FETUB: variants seen among roughly 807,000 people sequenced by gnomAD.
FETUB encodes fetuin-B.
A neutral mutation model predicts 30.9 loss-of-function variants in FETUB; 28 were observed. The ratio of observed to expected loss-of-function variants is 0.90; its 90% CI spans 0.67 to 1.24. FETUB has a LOEUF of 1.24. Among genes scored for constraint, FETUB ranks in the 50% most tolerant of loss-of-function variants. FETUB has a pLI of 0.00. For missense variants in FETUB, 469 were observed against 455.3 expected (o/e 1.03, Z -0.27); for synonymous variants, 186 against 175.9 (o/e 1.06, Z -0.45).
At position 186,649,698 on chromosome 3, in the gene FETUB, T is replaced by C. The variant is rs569839877; in HGVS notation, c.697-1520T>C. Among the ~76,000 whole-genome samples, 9 of 152,290 alleles carry C rather than the reference T, an allele frequency of 5.9e-5. No individual in the cohort carries two copies. The South Asian group carries it at 1.5e-3, about 25-fold the overall frequency. ...GTTGACCAGGCTGGTCTCGAACTCC[T>C]AACCTCAAGTGATCCTCCTGCCTCA... On this transcript the variant is annotated intron_variant, in intron 5 of 6. Coordinates refer to ENST00000265029, the MANE Select transcript of FETUB (RefSeq NM_014375.3).
At chr3:186,641,376 C>T (rs543400648) in intron 2 of FETUB, 1 of 421,676 alleles carries the variant, frequency 2.4e-6, no homozygotes, top group Non-Finnish European at 4.3e-6. Flanking sequence ...AAAAGTTGCC[C>T]CAAGTTGTGT....
intron 4 of FETUB, among the ~76,000 whole-genome samples, 198 bp from the exon 5 acceptor site, chr3:186,646,050 G>C (rs892890421): frequency 6.6e-6 from 1 of 152,200 alleles, no homozygotes; most frequent in Admixed American, 6.5e-5. Flanking sequence ...GAGAAGAAAG[G>C]TGTGAGATTA....
chr3:186,648,732 CTT>C (rs1158395473), intron 5 of FETUB, among the ~76,000 whole-genome samples: 1 of 152,158 alleles, frequency 6.6e-6, no homozygotes, highest in Non-Finnish European at 1.5e-5. Flanking sequence ...TCAATTTACT[CTT>C]CAAATATTTT....
upstream of FETUB, chr3:186,640,335 A>G: frequency 5.6e-6 from 4 of 713,032 alleles, no homozygotes. Context: ...TTCAGAATTC[A>G]AGGTGAACTT....
chr3:186,643,071 T>C (rs543253163), intron 3 of FETUB, among the ~76,000 whole-genome samples: 32 of 152,328 alleles, frequency 2.1e-4, no homozygotes, highest in African/African-American at 7.7e-4. Context: ...TTCTCTATTC[T>C]AGAAAGGAAT....
At chr3:186,652,218 G>A (rs778080881) in intron 6 of FETUB, 45 bp from the exon 7 acceptor site, 2 of 1,522,878 alleles carry the variant, frequency 1.3e-6, no homozygotes. Flanking sequence ...GGCATGGGAG[G>A]ACTTTCCCTG....
chr3:186,638,417 T>A (rs1465917803), upstream of FETUB, among the ~76,000 whole-genome samples: 2 of 152,188 alleles, frequency 1.3e-5, no homozygotes, highest in African/African-American at 4.8e-5. Context: ...CATTGTTTTA[T>A]GAATAAGGAA....
chr3:186,636,386 A>G (rs1422849610), upstream of FETUB, among the ~76,000 whole-genome samples: 2 of 152,206 alleles, frequency 1.3e-5, no homozygotes, highest in East Asian at 1.9e-4. Context: ...GTAGCCTCAG[A>G]GAATGTGAGA....
chr3:186,642,484 GC>G lies in FETUB; in HGVS notation c.351del (p.Cys117Ter), dbSNP rs777240389. On this transcript the variant is annotated frameshift_variant, in exon 3 of 7. Transcript: ENST00000265029. LOFTEE classifies it high-confidence loss of function. ...RIFFESVYGQ[C>X]KAIFYMNNPS... The stretch of plus-strand genomic sequence containing the variant: ...TGTTGGTTTCAGGTTTATGGTCAAT[GC>G]AAAGCAATATTTTATATGAACAACC... 1 of 1,603,114 alleles carries G rather than the reference GC, an allele frequency of 6.2e-7. No homozygotes were observed. The highest frequency in any genetic ancestry group is 8.5e-7 in the Non-Finnish European group (1 of 1,170,788).
chr3:186,641,423 G>A lies in FETUB; in HGVS notation c.336+283G>A, dbSNP rs1717048725. On this transcript the variant is annotated intron_variant, in intron 2 of 6. Coordinates refer to ENST00000265029, the MANE Select transcript of FETUB (RefSeq NM_014375.3). ...AGACCTTCCGTTAGGCTCTGAACCA[G>A]TGTTTCAATTGTGAGAAAAAGACCT... The A allele has an allele frequency of 1.1e-5, 3 of 282,848 alleles. No homozygotes were observed. The South Asian group carries it at 1.8e-4, about 17-fold the overall frequency. 17.5% of individuals were successfully genotyped at this position (282,848 alleles called of 1,614,324 possible).
chr3:186,650,169 G>GT (rs1491209701), intron 5 of FETUB, among the ~76,000 whole-genome samples: 6 of 69,020 alleles, frequency 8.7e-5, no homozygotes, highest in Non-Finnish European at 1.6e-4. Flanking sequence ...GTTGGCGGGG[G>GT]TGGGGGGGGG....
chr3:186,646,762 T>A (rs772177620), intron 5 of FETUB, among the ~76,000 whole-genome samples: 1 of 152,210 alleles, frequency 6.6e-6, no homozygotes, highest in Non-Finnish European at 1.5e-5. Context: ...GGTGGGAATT[T>A]AACTTGGCAC....
chr3:186,639,154 G>C (rs955713900), upstream of FETUB, among the ~76,000 whole-genome samples: 4 of 152,190 alleles, frequency 2.6e-5, no homozygotes, highest in Non-Finnish European at 4.4e-5. Flanking sequence ...TACCTGCTGA[G>C]AGCCTTCATG....
In FETUB at chr3:186,640,524, C is replaced by A; in HGVS notation, c.64C>A (p.Pro22Thr). ...CCTGTGCTGCGGAGCAATGTCTCCACCCCAGCTGGCCCTCAACCCCTCGGC... is the reference window on the plus strand; with the variant it reads ...CCTGTGCTGCGGAGCAATGTCTCCAACCCAGCTGGCCCTCAACCCCTCGGC... ...LVLCCGAMSP[P>T]QLALNPSALL... The change falls in exon 1 of 7, where the codon CCC becomes ACC. Residue 22 changes from proline (P) to threonine (T), a missense_variant. Coordinates refer to ENST00000265029, the MANE Select transcript of FETUB (RefSeq NM_014375.3). 6.2e-7 allele frequency: 1 copy of A among 1,614,216 alleles called. No individual in the cohort carries two copies. The highest frequency in any genetic ancestry group is 8.5e-7 in the Non-Finnish European group (1 of 1,180,022).
chr3:186,652,221 T>C (rs1186926096), intron 6 of FETUB, 42 bp from the exon 7 acceptor site: 1 of 1,523,556 alleles, frequency 6.6e-7, no homozygotes, highest in African/African-American at 1.4e-5. Context: ...ATGGGAGGAC[T>C]TTCCCTGTGG....
intron 5 of FETUB, among the ~76,000 whole-genome samples, chr3:186,649,279 C>T (rs749528321): frequency 6.6e-6 from 1 of 150,670 alleles, no homozygotes; most frequent in Non-Finnish European, 1.5e-5. Context: ...GTCTTTTTTT[C>T]ATATGCTCTG....
At chr3:186,649,473 T>G (rs1406230083) in intron 5 of FETUB, among the ~76,000 whole-genome samples, 1 of 152,164 alleles carries the variant, frequency 6.6e-6, no homozygotes, top group African/African-American at 2.4e-5. Flanking sequence ...GTTTTTTGTT[T>G]TTTTTTCTCT....
chr3:186,638,541 C>T (rs62292568), upstream of FETUB, among the ~76,000 whole-genome samples: 302 of 152,288 alleles, frequency 2.0e-3, 1 homozygote, highest in Non-Finnish European at 3.1e-3. Flanking sequence ...TCCCCTGCTT[C>T]CTCTCCCAGG....
chr3:186,642,822 A>G lies in FETUB; in HGVS notation c.424+264A>G, dbSNP rs551868532. Among the ~76,000 whole-genome samples, 213 of 152,252 alleles carry G rather than the reference A, an allele frequency of 1.4e-3. 1 individual carries two copies. Among genetic ancestry groups the G allele is most frequent in the Non-Finnish European group, 2.6e-3 (177 of 68,016 alleles). On this transcript the variant is annotated intron_variant, in intron 3 of 6. Coordinates refer to ENST00000265029, the MANE Select transcript of FETUB (RefSeq NM_014375.3). ...TTTTCAGTCTGACATAAATGGTATAATTTCTATGACTGTTCCCTCAGGCTT... is the reference window on the plus strand; with the variant it reads ...TTTTCAGTCTGACATAAATGGTATAGTTTCTATGACTGTTCCCTCAGGCTT...
Sources: allele counts gnomAD v4.1 joint callset (sites outside exome capture counted in the v4.1 genomes callset), GRCh38; gene constraint gnomAD v4.1.1; transcripts MANE v1.5; gene names NCBI Gene and HGNC (gene_info 2026-07-23, HGNC 2026-07-21).